FHIT: variants seen among roughly 807,000 people sequenced by gnomAD.
FHIT encodes the protein fragile histidine triad diadenosine triphosphatase.
A neutral mutation model predicts 17.9 loss-of-function variants in FHIT; 19 were observed. That is an observed-to-expected ratio of 1.06 (90% CI 0.74 to 1.56). The LOEUF is 1.56. Ranked by LOEUF, FHIT falls within the 40% of genes most tolerant of loss-of-function variation. The probability of loss-of-function intolerance (pLI) is 0.00; values close to 1 mark genes in which losing one functional copy is unlikely to be tolerated. For missense variants in FHIT, 248 were observed against 189.2 expected, an observed-to-expected ratio of 1.31 and a Z score of -1.82; for synonymous variants, 81 against 69.7, an observed-to-expected ratio of 1.16 and a Z score of -0.81.
intron 5 of FHIT, among the ~76,000 whole-genome samples, chr3:60,468,845 G>A (rs187518141): frequency 1.3e-5 from 2 of 152,142 alleles, no homozygotes; most frequent in East Asian, 1.9e-4. Context: ...GAATCCTTTA[G>A]CATTTCTTGC....
chr3:60,756,089 A>C (rs1559697538), intron 4 of FHIT, among the ~76,000 whole-genome samples: 1 of 152,222 alleles, frequency 6.6e-6, no homozygotes, highest in African/African-American at 2.4e-5. Context: ...AATAAAGAAA[A>C]TACCTGGCAC....
intron 5 of FHIT, among the ~76,000 whole-genome samples, chr3:60,152,194 T>A (rs1576209407): frequency 6.6e-6 from 1 of 152,128 alleles, no homozygotes; most frequent in African/African-American, 2.4e-5. Flanking sequence ...GGCAAGCATA[T>A]TTACATATTT....
At chr3:59,950,972 T>C (rs1214463444) in intron 7 of FHIT, among the ~76,000 whole-genome samples, 3 of 152,204 alleles carry the variant, frequency 2.0e-5, no homozygotes, top group Non-Finnish European at 4.4e-5. Context: ...ACCACTTTCA[T>C]ATGGTTTGGC....
At chr3:60,914,248 C>G (rs578260558) in intron 3 of FHIT, among the ~76,000 whole-genome samples, 1 of 152,216 alleles carries the variant, frequency 6.6e-6, no homozygotes, top group South Asian at 2.1e-4. Context: ...CATCAAGGAG[C>G]TTGTTATAAT....
intron 2 of FHIT, among the ~76,000 whole-genome samples, chr3:61,155,599 T>A (rs916469943): frequency 6.6e-6 from 1 of 152,224 alleles, no homozygotes; most frequent in Non-Finnish European, 1.5e-5. Flanking sequence ...CTCCTTTTTT[T>A]CTTCTTCGTT....
intron 7 of FHIT, among the ~76,000 whole-genome samples, chr3:59,953,131 G>C (rs1359024096): frequency 1.3e-5 from 2 of 151,910 alleles, no homozygotes; most frequent in Non-Finnish European, 2.9e-5. Context: ...GTCTCTCTCA[G>C]CATGTTACTG....
At chr3:60,497,804 C>T (rs996434632) in intron 5 of FHIT, among the ~76,000 whole-genome samples, 9 of 152,176 alleles carry the variant, frequency 5.9e-5, no homozygotes, top group African/African-American at 2.2e-4. Context: ...TCACACACCC[C>T]ATCATGCTTC....
intron 5 of FHIT, among the ~76,000 whole-genome samples, chr3:60,276,089 G>A (rs186523291): frequency 2.0e-5 from 3 of 151,402 alleles, no homozygotes; most frequent in East Asian, 3.9e-4. Flanking sequence ...CTGGGTTCAC[G>A]CCATTCTCCT....
At chr3:60,123,349 G>A (rs1294448544) in intron 5 of FHIT, among the ~76,000 whole-genome samples, 7 of 152,096 alleles carry the variant, frequency 4.6e-5, no homozygotes, top group Non-Finnish European at 1.0e-4. Flanking sequence ...ACATATGGTT[G>A]GCTCATTTGC....
chr3:61,101,875 G>C (rs1005025019), intron 2 of FHIT, among the ~76,000 whole-genome samples: 1 of 152,084 alleles, frequency 6.6e-6, no homozygotes, highest in Non-Finnish European at 1.5e-5. Context: ...TGGTGTGTAG[G>C]AATGCTTGTG....
chr3:60,564,651 C>G (rs1208480817), intron 4 of FHIT, among the ~76,000 whole-genome samples: 1 of 152,056 alleles, frequency 6.6e-6, no homozygotes, highest in Non-Finnish European at 1.5e-5. Context: ...GTGAAAAAAG[C>G]AGGAAAACTA....
intron 2 of FHIT, among the ~76,000 whole-genome samples, chr3:61,072,472 C>G (rs1310171221): frequency 1.3e-5 from 2 of 152,116 alleles, no homozygotes; most frequent in Non-Finnish European, 2.9e-5. Context: ...TTTAAGAAAA[C>G]AAAGGACACC....
At chr3:60,763,071 T>C (rs1699715155) in intron 4 of FHIT, among the ~76,000 whole-genome samples, 1 of 152,180 alleles carries the variant, frequency 6.6e-6, no homozygotes. Flanking sequence ...CACCACTTCA[T>C]ACACTGTGTA....
chr3:60,101,370 T>G (rs1355136971), intron 5 of FHIT, among the ~76,000 whole-genome samples: 1 of 152,204 alleles, frequency 6.6e-6, no homozygotes, highest in Non-Finnish European at 1.5e-5. Flanking sequence ...ACCTGAGCAC[T>G]TGCTGCTCCT....
Position 61,242,545 on chromosome 3 carries a change from T to C in FHIT, c.-213+8756A>G, listed in dbSNP as rs375354103. Among the ~76,000 whole-genome samples the C allele has an allele frequency of 1.8e-4, 28 of 152,254 alleles. No homozygotes were observed. The East Asian group carries it at 2.7e-3, about 15-fold the overall frequency. On this transcript the variant is annotated intron_variant, in intron 1 of 9. Coordinates refer to ENST00000492590, the MANE Select transcript of FHIT (RefSeq NM_002012.4). Reference sequence around the variant, plus strand: ...CTTTTGTAACCACCCAACAGGTTCATTTTGCCTGCTGCCCAGATGGTTTAT... The same window carrying C: ...CTTTTGTAACCACCCAACAGGTTCACTTTGCCTGCTGCCCAGATGGTTTAT...
At chr3:60,250,800 G>A (rs1036535975) in intron 5 of FHIT, among the ~76,000 whole-genome samples, 30 of 152,086 alleles carry the variant, frequency 2.0e-4, no homozygotes, top group African/African-American at 5.3e-4. Context: ...ATTTTCAATC[G>A]ACAATGAGAC....
chr3:59,848,566 ATTAT>A (rs1701810372), intron 8 of FHIT, among the ~76,000 whole-genome samples: 1 of 152,194 alleles, frequency 6.6e-6, no homozygotes, highest in Admixed American at 6.5e-5. Flanking sequence ...GACAAAAAAG[ATTAT>A]TTGTGTTGAC....
At chr3:60,563,614 G>A (rs2121857) in intron 4 of FHIT, among the ~76,000 whole-genome samples, 16 of 152,272 alleles carry the variant, frequency 1.1e-4, no homozygotes, top group African/African-American at 3.6e-4. Flanking sequence ...CACACAAACA[G>A]TAAGAAAGTA....
chr3:61,135,746 T>C (rs2036898774), intron 2 of FHIT, among the ~76,000 whole-genome samples: 1 of 152,208 alleles, frequency 6.6e-6, no homozygotes, highest in Non-Finnish European at 1.5e-5. Context: ...ATACATTTAT[T>C]TAAATTTTAA....
Sources: allele counts gnomAD v4.1 joint callset (sites outside exome capture counted in the v4.1 genomes callset), GRCh38; gene constraint gnomAD v4.1.1; transcripts MANE v1.5; gene names NCBI Gene and HGNC (gene_info 2026-07-23, HGNC 2026-07-21).